Variants in KCNMB4 observed in about 807,000 individuals in gnomAD.
The protein encoded by KCNMB4 is calcium-activated potassium channel subunit beta-4.
Under a neutral mutation model 20.7 loss-of-function variants are expected in KCNMB4, and 3 were observed. The observed-to-expected ratio is 0.14, with a 90% CI of 0.07 to 0.37. KCNMB4 has a LOEUF of 0.37. Ranked by LOEUF, KCNMB4 falls within the 10% of genes least tolerant of loss-of-function variation. The pLI, the probability that KCNMB4 is intolerant of heterozygous loss-of-function variation, is 1.00. For synonymous variants in KCNMB4, 110 were observed against 113.4 expected, an observed-to-expected ratio of 0.97 and a Z score of 0.19; for missense variants, 168 against 265.9, an observed-to-expected ratio of 0.63 and a Z score of 2.56.
chr12:70,405,260 A>G (rs1344982858), intron 2 of KCNMB4, among the ~76,000 whole-genome samples: 1 of 152,202 alleles, frequency 6.6e-6, no homozygotes, highest in East Asian at 1.9e-4. Flanking sequence ...TAATCCCCTG[A>G]ATACATAAGG....
intron 2 of KCNMB4, among the ~76,000 whole-genome samples, chr12:70,406,770 A>G (rs547042635): frequency 6.6e-6 from 1 of 152,290 alleles, no homozygotes; most frequent in East Asian, 1.9e-4. Flanking sequence ...TCCCCCTGAC[A>G]GGGTTGTCTC....
chr12:70,412,211 T>C (rs980386651), intron 2 of KCNMB4, among the ~76,000 whole-genome samples: 3 of 152,210 alleles, frequency 2.0e-5, no homozygotes, highest in Non-Finnish European at 4.4e-5. Flanking sequence ...AACTGGAATG[T>C]TCTGGGAAAG....
At chr12:70,416,767 C>G (rs1169483751) in intron 2 of KCNMB4, among the ~76,000 whole-genome samples, 1 of 152,076 alleles carries the variant, frequency 6.6e-6, no homozygotes, top group Non-Finnish European at 1.5e-5. Context: ...GTATTCTTTA[C>G]TATATAATTT....
intron 1 of KCNMB4, among the ~76,000 whole-genome samples, chr12:70,372,740 A>G (rs1055720860): frequency 7.9e-5 from 12 of 152,218 alleles, no homozygotes; most frequent in Non-Finnish European, 1.8e-4. Flanking sequence ...GGAAATTATT[A>G]CCTAGCAGAG....
chr12:70,378,803 C>T (rs2136118310), intron 1 of KCNMB4, among the ~76,000 whole-genome samples: 1 of 152,290 alleles, frequency 6.6e-6, no homozygotes, highest in South Asian at 2.1e-4. Flanking sequence ...TCCCAAAATG[C>T]TGGGATTACA....
chr12:70,366,328 G>C lies in KCNMB4; in HGVS notation c.-407G>C, dbSNP rs1446123974. On this transcript the variant is annotated 5_prime_UTR_variant, in exon 1 of 3. Coordinates refer to ENST00000258111, the MANE Select transcript of KCNMB4 (RefSeq NM_014505.6). ...CTTGGGGCAGCTGCCGGGCGAGTCA[G>C]CGGAGTAGCGGCCAGCGGGCGATGG... 1.3e-5 allele frequency: 2 copies of C among 151,894 alleles called. No homozygotes were observed. The highest frequency in any genetic ancestry group is 3.9e-4 in the East Asian group (2 of 5,096). The allele number at this position is 151,894 out of a possible 1,614,324, so 9.4% of individuals were successfully genotyped here.
At chr12:70,425,865 G>A (rs530584478) in intron 2 of KCNMB4, among the ~76,000 whole-genome samples, 20 of 152,292 alleles carry the variant, frequency 1.3e-4, no homozygotes, top group Admixed American at 1.0e-3. Flanking sequence ...TTAGCTGGGC[G>A]CAGTGGCTCA....
intron 1 of KCNMB4, among the ~76,000 whole-genome samples, chr12:70,373,012 G>A (rs548989397): frequency 1.3e-5 from 2 of 152,240 alleles, no homozygotes; most frequent in Admixed American, 6.5e-5. Flanking sequence ...GGGTGTGTTG[G>A]GGGATCTGGA....
intron 1 of KCNMB4, among the ~76,000 whole-genome samples, chr12:70,389,181 T>C (rs564044545): frequency 2.6e-4 from 40 of 152,316 alleles, no homozygotes; most frequent in African/African-American, 9.4e-4. Context: ...TCAACTTACT[T>C]TAACTATGTA....
intron 2 of KCNMB4, 67 bp from the exon 3 acceptor site, chr12:70,430,418 T>A (rs1593352228): frequency 6.4e-7 from 1 of 1,552,812 alleles, no homozygotes; most frequent in East Asian, 2.3e-5. Context: ...GGCTTTAGGT[T>A]GTAAAGAGTT....
chr12:70,394,271 A>G (rs1868330167), intron 1 of KCNMB4, among the ~76,000 whole-genome samples: 1 of 151,758 alleles, frequency 6.6e-6, no homozygotes, highest in South Asian at 2.1e-4. Flanking sequence ...TCACACTTTG[A>G]GGAGGGTGGA....
intron 1 of KCNMB4, among the ~76,000 whole-genome samples, chr12:70,379,794 A>G (rs1156557003): frequency 1.3e-5 from 2 of 152,068 alleles, no homozygotes; most frequent in Non-Finnish European, 2.9e-5. Context: ...TAGCTTCCTC[A>G]CTTCTGGCAG....
rs1179536209 is a variant in KCNMB4 at position 70,422,846 on chromosome 12, C to T, written c.465-7639C>T. 24 of 1,232,440 alleles carry T rather than the reference C, an allele frequency of 1.9e-5. No homozygotes were observed. In the Admixed American group the frequency reaches 6.3e-4, roughly 32 times the overall value. 76.3% of individuals were successfully genotyped at this position (1,232,440 alleles called of 1,614,324 possible). A position where few individuals can be genotyped will look rare whatever the true frequency, so the allele number is the denominator to read the frequency against. ...AGATGGATAAAAAATAATTACCACACAGTGTGAGTAAAACCTTTTAAAAAG... is the reference window on the plus strand; with the variant it reads ...AGATGGATAAAAAATAATTACCACATAGTGTGAGTAAAACCTTTTAAAAAG... On this transcript the variant is annotated intron_variant, in intron 2 of 2. Transcript: ENST00000258111.
chr12:70,380,179 A>AAT (rs1213455710), intron 1 of KCNMB4, among the ~76,000 whole-genome samples: 1 of 152,148 alleles, frequency 6.6e-6, no homozygotes, highest in Non-Finnish European at 1.5e-5. Context: ...GCCTAATTTC[A>AAT]ATATTGTTTT....
At chr12:70,420,745 C>T (rs1366764176) in intron 2 of KCNMB4, among the ~76,000 whole-genome samples, 1 of 152,186 alleles carries the variant, frequency 6.6e-6, no homozygotes, top group Non-Finnish European at 1.5e-5. Flanking sequence ...ATGAGCTTTT[C>T]TTCAACTTTG....
chr12:70,426,043 C>T (rs1196918809), intron 2 of KCNMB4, among the ~76,000 whole-genome samples: 1 of 151,906 alleles, frequency 6.6e-6, no homozygotes, highest in Non-Finnish European at 1.5e-5. Flanking sequence ...GTCTGTAATC[C>T]CAGCACTTTG....
chr12:70,409,631 G>A (rs1868713367), intron 2 of KCNMB4, among the ~76,000 whole-genome samples: 1 of 152,226 alleles, frequency 6.6e-6, no homozygotes, highest in Non-Finnish European at 1.5e-5. Flanking sequence ...GTGCTATGAA[G>A]GGGAAGCTGA....
At chr12:70,385,751 A>C (rs1049618705) in intron 1 of KCNMB4, among the ~76,000 whole-genome samples, 1 of 152,212 alleles carries the variant, frequency 6.6e-6, no homozygotes, top group South Asian at 2.1e-4. Context: ...TACTTCGATC[A>C]ATTCTATGCC....
intron 2 of KCNMB4, among the ~76,000 whole-genome samples, chr12:70,420,609 C>T (rs958667449): frequency 4.6e-5 from 7 of 152,182 alleles, no homozygotes; most frequent in South Asian, 2.1e-4. Flanking sequence ...AGATTGCAAA[C>T]CTCTGACCTC....
Sources: gnomAD v4.1 joint callset for allele counts (sites outside exome capture counted in the v4.1 genomes callset) on GRCh38, gnomAD v4.1.1 for gene constraint, MANE v1.5 for transcripts, NCBI Gene and HGNC (gene_info 2026-07-23, HGNC 2026-07-21) for gene names.